CFAP61: variants seen among roughly 807,000 people sequenced by gnomAD.
CFAP61 encodes cilia- and flagella-associated protein 61.
A neutral mutation model predicts 135.6 loss-of-function variants in CFAP61; 107 were observed. That is an observed-to-expected ratio of 0.79 (90% CI 0.67 to 0.93). The LOEUF (loss-of-function observed/expected upper bound fraction) is 0.93, where lower values mean the gene tolerates loss of function less well. Among genes scored for constraint, CFAP61 ranks in the 40% least tolerant of loss-of-function variants. The probability of loss-of-function intolerance (pLI) is 0.00; values close to 1 mark genes in which losing one functional copy is unlikely to be tolerated. For missense variants in CFAP61, 1,507 were observed against 1,556.2 expected (o/e 0.97, Z 0.53); for synonymous variants, 575 against 578.5 (o/e 0.99, Z 0.09).
At chr20:20,289,411 G>A (rs2054841257) in intron 23 of CFAP61, among the ~76,000 whole-genome samples, 1 of 152,184 alleles carries the variant, frequency 6.6e-6, no homozygotes, top group African/African-American at 2.4e-5. Context: ...AAACCCTTCT[G>A]ACCCCTAAGG....
intron 8 of CFAP61, among the ~76,000 whole-genome samples, chr20:20,128,171 T>C (rs1244420312): frequency 6.6e-6 from 1 of 151,742 alleles, no homozygotes; most frequent in Non-Finnish European, 1.5e-5. Context: ...CACACTGGAT[T>C]CATGCCCTCT....
chr20:20,069,343 C>T (rs559627890), intron 2 of CFAP61, among the ~76,000 whole-genome samples: 2 of 152,232 alleles, frequency 1.3e-5, no homozygotes, highest in South Asian at 2.1e-4. Flanking sequence ...TACAGTGGTG[C>T]GATCTCGGCT....
rs1039025751 is a variant in CFAP61, at chr20:20,359,733, A to G, written c.3514-477A>G. On this transcript the variant is annotated intron_variant, in intron 26 of 26. Transcript: ENST00000245957. This position sits in a 1 kb window ranked among gnomAD's most constrained non-coding sequence, Gnocchi z 4.0. ...ATCTACAGATGATTTTTATCTGAAA[A>G]TGAAGGGCTTGAAATGACTAACCTG... 6.6e-6 allele frequency among the ~76,000 whole-genome samples: 1 copy of G among 152,188 alleles called. No homozygotes were observed. Among genetic ancestry groups the G allele is most frequent in the Non-Finnish European group, 1.5e-5 (1 of 68,040 alleles).
chr20:20,120,692 T>G (rs2049541970), intron 8 of CFAP61, among the ~76,000 whole-genome samples: 1 of 152,232 alleles, frequency 6.6e-6, no homozygotes, highest in African/African-American at 2.4e-5. Context: ...TTGTTGATTT[T>G]CTGTCTAGAT....
intron 20 of CFAP61, among the ~76,000 whole-genome samples, chr20:20,260,417 T>C (rs926316162): frequency 5.9e-5 from 9 of 152,378 alleles, no homozygotes; most frequent in Non-Finnish European, 1.0e-4. Context: ...TTCTAATTAA[T>C]TGATGTCTCC....
chr20:20,246,976 A>C (rs1330641236), intron 19 of CFAP61, among the ~76,000 whole-genome samples: 1 of 152,208 alleles, frequency 6.6e-6, no homozygotes, highest in African/African-American at 2.4e-5. Context: ...TAATTTTATC[A>C]GACTATAAAC....
chr20:20,142,029 G>A (rs188126100), intron 8 of CFAP61, among the ~76,000 whole-genome samples: 3 of 152,152 alleles, frequency 2.0e-5, no homozygotes, highest in African/African-American at 2.4e-5. Context: ...CAGCAGAGCG[G>A]ACACCACTGG....
At chr20:20,089,590 A>G (rs1465774879) in intron 6 of CFAP61, among the ~76,000 whole-genome samples, 1 of 137,136 alleles carries the variant, frequency 7.3e-6, no homozygotes, top group Non-Finnish European at 1.5e-5. Context: ...TATCAGAGAA[A>G]AAAAAAAAAA....
At chr20:20,140,243 G>T (rs1278493585) in intron 8 of CFAP61, among the ~76,000 whole-genome samples, 1 of 149,022 alleles carries the variant, frequency 6.7e-6, no homozygotes, top group Non-Finnish European at 1.5e-5. Context: ...TGCACAATGT[G>T]CAGGTTTGTT....
chr20:20,093,348 G>A (rs189237159), intron 7 of CFAP61, among the ~76,000 whole-genome samples: 132 of 152,206 alleles, frequency 8.7e-4, no homozygotes, highest in African/African-American at 3.1e-3. Context: ...GTTGGTTGGT[G>A]GGGGGATGAA....
At chr20:20,270,276 C>T (rs2053240102) in intron 21 of CFAP61, among the ~76,000 whole-genome samples, 2 of 152,060 alleles carry the variant, frequency 1.3e-5, no homozygotes, top group South Asian at 2.1e-4. Context: ...TCTTTCCCTC[C>T]AAGTCCCGAT....
intron 20 of CFAP61, among the ~76,000 whole-genome samples, chr20:20,255,718 G>A (rs2051491311): frequency 6.6e-6 from 1 of 152,202 alleles, no homozygotes. Context: ...ATCTCACTCT[G>A]AGAATGATTA....
At chr20:20,215,987 T>G (rs2146926609) in intron 17 of CFAP61, among the ~76,000 whole-genome samples, 1 of 152,328 alleles carries the variant, frequency 6.6e-6, no homozygotes, top group East Asian at 1.9e-4. Flanking sequence ...GCCTGTTTGA[T>G]AAATGTTTAA....
At chr20:20,146,744 C>G (rs1206731264) in intron 9 of CFAP61, among the ~76,000 whole-genome samples, 6 of 152,138 alleles carry the variant, frequency 3.9e-5, no homozygotes, top group Non-Finnish European at 7.4e-5. Flanking sequence ...TGTACAATGT[C>G]AGATGAAGAA....
intron 13 of CFAP61, among the ~76,000 whole-genome samples, chr20:20,170,967 A>G (rs1457192116): frequency 6.6e-6 from 1 of 152,186 alleles, no homozygotes; most frequent in East Asian, 1.9e-4. Context: ...CAGTGACCTA[A>G]TTAGTTAGGT....
intron 20 of CFAP61, among the ~76,000 whole-genome samples, chr20:20,254,679 G>C (rs1173171678): frequency 2.0e-5 from 3 of 152,060 alleles, no homozygotes; most frequent in African/African-American, 4.8e-5. Flanking sequence ...ACTCTCTCCT[G>C]GTTTTGTCCC....
intron 22 of CFAP61, among the ~76,000 whole-genome samples, chr20:20,285,096 TGAAGATGCTTTTC>T (rs371028859): frequency 5.6e-4 from 85 of 152,356 alleles, no homozygotes; most frequent in African/African-American, 2.0e-3. Context: ...CCCAGCACTT[TGAAGATGCTTTTC>T]CACCATCTTC....
At position 20,251,680 on chromosome 20, in the gene CFAP61, C is replaced by A. The variant is rs984625585; in HGVS notation, c.2245C>A (p.Arg749=). 1.9e-6 allele frequency: 3 copies of A among 1,614,164 alleles called. No individual in the cohort carries two copies. The highest frequency in any genetic ancestry group is 1.7e-5 in the Admixed American group (1 of 60,022). The change falls in exon 20 of 27, where the codon CGA becomes AGA. Residue 749 remains arginine (R), a synonymous_variant. Coordinates refer to ENST00000245957, the MANE Select transcript of CFAP61 (RefSeq NM_015585.4). ...GGTGGGTAGAATGACCGGCATAGACCGAGCAGCCAAGCACGTTGTGCTTTC... is the reference window on the plus strand; with the variant it reads ...GGTGGGTAGAATGACCGGCATAGACAGAGCAGCCAAGCACGTTGTGCTTTC... ...VVVGRMTGID[R]AAKHVVLSTD... is the part of the protein sequence containing the mutation.
Position 20,298,203 on chromosome 20 carries a change from G to A in CFAP61, c.3239G>A (p.Ser1080Asn). ...CAGGGTTTAGAACTAGTAACCGGCA[G>A]TGCGAAAAATGGGACTTACTTCCGA... ...PNYGLELVTGSAKNGTYFRIH... is the reference protein window; with the variant it reads ...PNYGLELVTGNAKNGTYFRIH... Residue 1080 changes from serine to asparagine, a missense_variant, in exon 25 of 27, where the codon AGT becomes AAT. Ser to Asn is a conservative substitution (Grantham distance 46, BLOSUM62 1). Transcript: ENST00000245957. 6.2e-7 allele frequency: 1 copy of A among 1,613,838 alleles called. No individual in the cohort carries two copies. Among genetic ancestry groups the A allele is most frequent in the Non-Finnish European group, 8.5e-7 (1 of 1,179,748 alleles).
Sources: allele counts gnomAD v4.1 joint callset (sites outside exome capture counted in the v4.1 genomes callset), GRCh38; gene constraint gnomAD v4.1.1; non-coding constraint Gnocchi (gnomAD v3.1); transcripts MANE v1.5; gene names NCBI Gene and HGNC (gene_info 2026-07-23, HGNC 2026-07-21).